The following SMYD3 variants were observed in gnomAD, a reference collection of about 807,000 sequenced individuals.
SMYD3 encodes the protein histone-lysine N-methyltransferase SMYD3.
In SMYD3, 36 loss-of-function variants were observed where a neutral mutation model predicts 57.7. That is an observed-to-expected ratio of 0.62 (90% CI 0.48 to 0.82). SMYD3 has a LOEUF of 0.82. Ranked by LOEUF, SMYD3 falls within the 40% of genes least tolerant of loss-of-function variation. The probability of loss-of-function intolerance (pLI) is 0.00; values close to 1 mark genes in which losing one functional copy is unlikely to be tolerated. For missense variants in SMYD3, 515 were observed against 538.8 expected (o/e 0.96, Z 0.44); for synonymous variants, 211 against 195.0 (o/e 1.08, Z -0.68).
chr1:245,870,428 G>A (rs1033653569), intron 8 of SMYD3, among the ~76,000 whole-genome samples: 5 of 152,094 alleles, frequency 3.3e-5, no homozygotes, highest in South Asian at 2.1e-4. Context: ...GAGTGGGCTC[G>A]CTTACCTCTC....
intron 5 of SMYD3, among the ~76,000 whole-genome samples, chr1:246,119,077 G>A (rs988590019): frequency 1.3e-5 from 2 of 152,176 alleles, no homozygotes; most frequent in African/African-American, 2.4e-5. Context: ...CTAGAGAGCA[G>A]TAGCACAATC....
At chr1:245,763,496 A>C (rs143376936) in intron 11 of SMYD3, among the ~76,000 whole-genome samples, 112 of 152,270 alleles carry the variant, frequency 7.4e-4, no homozygotes, top group African/African-American at 2.5e-3. Context: ...AGGCAGAGGA[A>C]AAAATAGCTG....
At chr1:246,281,848 T>C (rs1026495259) in intron 5 of SMYD3, among the ~76,000 whole-genome samples, 2 of 152,074 alleles carry the variant, frequency 1.3e-5, no homozygotes, top group Admixed American at 6.5e-5. Flanking sequence ...CAGAATGCTA[T>C]GTCAATACAG....
chr1:246,060,468 A>G (rs888754289), intron 5 of SMYD3, among the ~76,000 whole-genome samples: 1 of 152,206 alleles, frequency 6.6e-6, no homozygotes, highest in African/African-American at 2.4e-5. Context: ...CCGTTTAACG[A>G]CAAAAATGGC....
intron 8 of SMYD3, among the ~76,000 whole-genome samples, chr1:245,865,104 A>G (rs2051760386): frequency 6.6e-6 from 1 of 152,088 alleles, no homozygotes; most frequent in Non-Finnish European, 1.5e-5. Flanking sequence ...TGAAAACCAC[A>G]TGTGTGCACA....
At chr1:245,779,994 G>GATGGGGATAACCAAAAAGACAGATA (rs2046766356) in intron 10 of SMYD3, among the ~76,000 whole-genome samples, 1 of 152,184 alleles carries the variant, frequency 6.6e-6, no homozygotes, top group African/African-American at 2.4e-5. Flanking sequence ...CACCCACTAG[G>GATGGGGATAACCAAAAAGACAGATA]ATGGGGATAA....
chr1:245,996,224 G>A (rs2058929782), intron 5 of SMYD3, among the ~76,000 whole-genome samples: 1 of 152,148 alleles, frequency 6.6e-6, no homozygotes, highest in Admixed American at 6.5e-5. Context: ...ATTCTGAAAC[G>A]ATTTTCTATA....
chr1:245,865,266 A>G (rs983089278), intron 8 of SMYD3, among the ~76,000 whole-genome samples: 2 of 152,212 alleles, frequency 1.3e-5, no homozygotes, highest in African/African-American at 4.8e-5. Context: ...TAACACAGGC[A>G]GGGAGTGGAA....
rs1425469433 is a variant in SMYD3 at position 246,232,857 on chromosome 1, C to A, written c.531+94344G>T. ...ACATATACCACACAGGGGAGAAGCG[C>A]TCCTCAATTCACACTGTGATGAACA... On this transcript the variant is annotated intron_variant, in intron 5 of 11. Transcript: ENST00000490107. Among the ~76,000 whole-genome samples, 4 of 130,766 alleles carry A rather than the reference C, an allele frequency of 3.1e-5. 1 individual carries two copies. Among genetic ancestry groups the A allele is most frequent in the Non-Finnish European group, 4.9e-5 (3 of 61,794 alleles). The allele number at this position is 130,766 out of a possible 152,430, so 85.8% of individuals were successfully genotyped here.
chr1:246,470,523 ATAT>A (rs2067946674), intron 1 of SMYD3, among the ~76,000 whole-genome samples: 1 of 106,924 alleles, frequency 9.4e-6, no homozygotes, highest in African/African-American at 5.2e-5. Flanking sequence ...AAAAAAAAAT[ATAT>A]ATATATATAA....
chr1:245,858,390 G>T, intron 10 of SMYD3, 106 bp downstream of exon 10: 1 of 1,158,516 alleles, frequency 8.6e-7, no homozygotes, highest in Non-Finnish European at 1.2e-6. Flanking sequence ...GAAGCAGCTG[G>T]AAATGCTCCA....
At chr1:246,445,091 A>C (rs2067532848) in intron 1 of SMYD3, among the ~76,000 whole-genome samples, 1 of 152,238 alleles carries the variant, frequency 6.6e-6, no homozygotes, top group Admixed American at 6.5e-5. Flanking sequence ...TACTTCACTG[A>C]ATTGTTGTGA....
chr1:245,767,632 C>A (rs891849594), intron 10 of SMYD3, among the ~76,000 whole-genome samples: 1 of 152,152 alleles, frequency 6.6e-6, no homozygotes, highest in African/African-American at 2.4e-5. Flanking sequence ...TGGATGGTTG[C>A]TCTGGTGATG....
intron 5 of SMYD3, among the ~76,000 whole-genome samples, chr1:246,124,805 A>C (rs1248375038): frequency 6.6e-6 from 1 of 151,602 alleles, no homozygotes; most frequent in Admixed American, 6.6e-5. Context: ...ACCCCAGGCC[A>C]CCCATGACAC....
At chr1:245,895,449 A>G (rs565764812) in intron 8 of SMYD3, among the ~76,000 whole-genome samples, 42 of 152,304 alleles carry the variant, frequency 2.8e-4, no homozygotes, top group Admixed American at 1.8e-3. Context: ...TGGGCTCATC[A>G]TCCCACCAGG....
chr1:245,826,019 T>TTTTTTTTTTTG (rs2049464188), intron 10 of SMYD3, among the ~76,000 whole-genome samples: 1 of 125,204 alleles, frequency 8.0e-6, no homozygotes, highest in Non-Finnish European at 1.8e-5. Context: ...ATCTGCTTTC[T>TTTTTTTTTTTG]ATGTTGTATT....
At chr1:246,061,146 C>T (rs184842173) in intron 5 of SMYD3, among the ~76,000 whole-genome samples, 4 of 152,100 alleles carry the variant, frequency 2.6e-5, no homozygotes, top group African/African-American at 9.6e-5. Flanking sequence ...CGGCATGAAC[C>T]CAGGAGGCGG....
rs563001877 is a variant in SMYD3, at chr1:246,002,339, C to T, written c.532-72402G>A. Among the ~76,000 whole-genome samples, 55 of 66,436 alleles carry T rather than the reference C, an allele frequency of 8.3e-4. 14 individuals are homozygous for T. Among genetic ancestry groups the T allele is most frequent in the Middle Eastern group, 7.1e-3 (1 of 140 alleles). The allele number at this position is 66,436 out of a possible 152,430, so 43.6% of individuals were successfully genotyped here. The stretch of plus-strand genomic sequence containing the variant: ...AGCTGGGACTGCAGGCTCCCGCCAC[C>T]ACGCCCGGCTAATTTTTTGTATTTT... On this transcript the variant is annotated intron_variant, in intron 5 of 11. Transcript: ENST00000490107.
chr1:245,866,859 C>T (rs1445639708), intron 8 of SMYD3, among the ~76,000 whole-genome samples: 2 of 152,224 alleles, frequency 1.3e-5, no homozygotes, highest in Middle Eastern at 3.2e-3. Context: ...CACTGCCTCC[C>T]AGATCAAGCT....
Sources: gnomAD v4.1 joint callset for allele counts (sites outside exome capture counted in the v4.1 genomes callset) on GRCh38, gnomAD v4.1.1 for gene constraint, MANE v1.5 for transcripts, NCBI Gene and HGNC (gene_info 2026-07-23, HGNC 2026-07-21) for gene names.